The following ZRANB1 variants were observed in gnomAD, a reference collection of about 807,000 sequenced individuals.
ZRANB1 encodes zinc finger RANBP2-type containing 1.
A neutral mutation model predicts 80.5 loss-of-function variants in ZRANB1; 16 were observed. The ratio of observed to expected loss-of-function variants is 0.20; its 90% CI spans 0.13 to 0.30. The LOEUF (loss-of-function observed/expected upper bound fraction) is 0.30. Among genes scored for constraint, ZRANB1 ranks in the 10% least tolerant of loss-of-function variants. ZRANB1 has a pLI of 1.00. For missense variants in ZRANB1, 576 were observed against 862.6 expected (o/e 0.67, Z 4.16); for synonymous variants, 291 against 293.1 (o/e 0.99, Z 0.07).
intron 5 of ZRANB1, among the ~76,000 whole-genome samples, chr10:124,976,882 T>G (rs1951881036): frequency 6.6e-6 from 1 of 151,810 alleles, no homozygotes; most frequent in African/African-American, 2.4e-5. Flanking sequence ...TTTTCTTTGG[T>G]GGTAATTTCC....
intron 1 of ZRANB1, among the ~76,000 whole-genome samples, chr10:124,959,612 G>C (rs1951714954): frequency 6.6e-6 from 1 of 152,084 alleles, no homozygotes; most frequent in Non-Finnish European, 1.5e-5. Flanking sequence ...GACTACAGGT[G>C]CATGCCAGCA....
chr10:124,939,882 A>G (rs1351126086), upstream of ZRANB1, among the ~76,000 whole-genome samples: 4 of 152,132 alleles, frequency 2.6e-5, no homozygotes, highest in Non-Finnish European at 4.4e-5. Context: ...TCTTCCACAC[A>G]TTTTTGGGCT....
At chr10:124,941,842 A>T (rs1951538826), upstream of ZRANB1, among the ~76,000 whole-genome samples, 1 of 152,162 alleles carries the variant, frequency 6.6e-6, no homozygotes, top group African/African-American at 2.4e-5. Flanking sequence ...ATTATCAAGG[A>T]ACTACCTATT....
At chr10:124,951,722 C>T (rs1951640288) in intron 1 of ZRANB1, among the ~76,000 whole-genome samples, 1 of 152,028 alleles carries the variant, frequency 6.6e-6, no homozygotes, top group Non-Finnish European at 1.5e-5. Context: ...TTTGGGAGAG[C>T]GGGGCGGTCG....
At chr10:124,946,106 A>C (rs970734106) in intron 1 of ZRANB1, among the ~76,000 whole-genome samples, 1 of 152,104 alleles carries the variant, frequency 6.6e-6, no homozygotes, top group African/African-American at 2.4e-5. Flanking sequence ...TTGCATTTTA[A>C]TCACTGAGTT....
chr10:124,978,870 C>T (rs1016909550), intron 5 of ZRANB1, among the ~76,000 whole-genome samples: 2 of 148,812 alleles, frequency 1.3e-5, no homozygotes, highest in Non-Finnish European at 3.0e-5. Flanking sequence ...GTCTCAGACT[C>T]CCACCTCGGC....
intron 5 of ZRANB1, among the ~76,000 whole-genome samples, chr10:124,979,946 A>C: frequency 6.6e-6 from 1 of 152,196 alleles, no homozygotes; most frequent in Non-Finnish European, 1.5e-5. Context: ...ATACATTTTG[A>C]AATCTGGACT....
chr10:124,917,089 A>AGGCGGCAGCAGCGGGGCG, the ZRANB1 span: 1 of 152,968 alleles, frequency 6.5e-6, no homozygotes, highest in Non-Finnish European at 1.5e-5. Flanking sequence ...GAGAGGGCGG[A>AGGCGGCAGCAGCGGGGCG]GGCGGCAGCA....
chr10:124,970,386 G>A lies in ZRANB1; in HGVS notation c.1003-1579G>A, dbSNP rs183565409. Among the ~76,000 whole-genome samples, 375 of 152,240 alleles carry A rather than the reference G, an allele frequency of 2.5e-3. 3 individuals are homozygous for A. Among genetic ancestry groups the A allele is most frequent in the Non-Finnish European group, 3.5e-3 (236 of 68,014 alleles). ...ATCCTCTCACCTTTCAGCCTCCCCA[G>A]TAGCTGGGACTACTGGTGCATGCCA... On this transcript the variant is annotated intron_variant, in intron 2 of 8. Coordinates refer to ENST00000359653, the MANE Select transcript of ZRANB1 (RefSeq NM_017580.3).
chr10:124,920,854 C>A, the ZRANB1 span, among the ~76,000 whole-genome samples: 1 of 151,716 alleles, frequency 6.6e-6, no homozygotes, highest in Non-Finnish European at 1.5e-5. Flanking sequence ...ATCTCTATAC[C>A]CTGTATCTAT....
chr10:124,965,522 A>C (rs1951769167), intron 1 of ZRANB1, among the ~76,000 whole-genome samples: 1 of 152,162 alleles, frequency 6.6e-6, no homozygotes, highest in Admixed American at 6.5e-5. Flanking sequence ...AAATTGTTGC[A>C]TTTTATCAAT....
At chr10:124,981,929 GA>G in intron 6 of ZRANB1, 100 bp downstream of exon 6, 3 of 1,442,812 alleles carry the variant, frequency 2.1e-6, no homozygotes, top group Non-Finnish European at 2.9e-6. Flanking sequence ...TGTGGTCAAA[GA>G]AAAGAATGCT....
chr10:124,917,102 G>C, the ZRANB1 span: 1 of 153,212 alleles, frequency 6.5e-6, no homozygotes, highest in Non-Finnish European at 1.5e-5. Context: ...CGGCAGCAGC[G>C]GGGCGGGCGG....
chr10:124,941,622 T>C (rs1298494341), upstream of ZRANB1, among the ~76,000 whole-genome samples: 1 of 152,178 alleles, frequency 6.6e-6, no homozygotes, highest in Non-Finnish European at 1.5e-5. Flanking sequence ...AATGCTGGGA[T>C]TATAGGCTTG....
At chr10:124,960,796 G>A (rs1951727106) in intron 1 of ZRANB1, among the ~76,000 whole-genome samples, 1 of 152,086 alleles carries the variant, frequency 6.6e-6, no homozygotes, top group Non-Finnish European at 1.5e-5. Flanking sequence ...GTTTCTCTCG[G>A]CCTACCTGAG....
upstream of ZRANB1, among the ~76,000 whole-genome samples, chr10:124,940,892 G>A (rs938871069): frequency 2.6e-5 from 4 of 151,940 alleles, no homozygotes; most frequent in African/African-American, 4.8e-5. Flanking sequence ...CAGGAGAATC[G>A]CTTGAACCTG....
intron 1 of ZRANB1, among the ~76,000 whole-genome samples, chr10:124,964,525 CTCTG>C (rs1435946240): frequency 6.6e-6 from 1 of 152,206 alleles, no homozygotes; most frequent in Non-Finnish European, 1.5e-5. Flanking sequence ...ATTACCTCAT[CTCTG>C]TCTTTGAGAA....
chr10:124,917,096 A>G, the ZRANB1 span: 1 of 153,256 alleles, frequency 6.5e-6, no homozygotes, highest in African/African-American at 2.4e-5. Flanking sequence ...CGGAGGCGGC[A>G]GCAGCGGGGC....
At chr10:124,919,287 A>G in the ZRANB1 span, among the ~76,000 whole-genome samples, 8 of 152,204 alleles carry the variant, frequency 5.3e-5, no homozygotes, top group South Asian at 2.1e-4. Flanking sequence ...GCTCATGCCT[A>G]TAATCCCAGC....
Sources: allele counts gnomAD v4.1 joint callset (sites outside exome capture counted in the v4.1 genomes callset), GRCh38; gene constraint gnomAD v4.1.1; transcripts MANE v1.5; gene names NCBI Gene and HGNC (gene_info 2026-07-23, HGNC 2026-07-21).